Variants in SLC1A3 observed in about 807,000 individuals in gnomAD.
SLC1A3 encodes the protein solute carrier family 1 member 3, also known as excitatory amino acid transporter 1.
In SLC1A3, 21 loss-of-function variants were observed where a neutral mutation model predicts 48.1. The ratio of observed to expected loss-of-function variants is 0.44; its 90% CI spans 0.31 to 0.63. The LOEUF is 0.63. Ranked by LOEUF, SLC1A3 falls within the 20% of genes least tolerant of loss-of-function variation. SLC1A3 has a pLI of 0.08. For synonymous variants in SLC1A3, 239 were observed against 251.4 expected (o/e 0.95, Z 0.47); for missense variants, 546 against 689.0 (o/e 0.79, Z 2.32).
chr5:36,651,141 TA>T (rs58660599), intron 3 of SLC1A3, among the ~76,000 whole-genome samples: 10,130 of 114,226 alleles, frequency 0.089, 714 homozygotes, highest in African/African-American at 0.23. Context: ...AAGTTTTTTT[TA>T]AAAAAAAAAA....
At chr5:36,599,882 C>T (rs1373166116) in intron 1 of SLC1A3, among the ~76,000 whole-genome samples, 3 of 151,788 alleles carry the variant, frequency 2.0e-5, no homozygotes, top group Non-Finnish European at 2.9e-5. Flanking sequence ...AGTGCAGTGG[C>T]GCTATCTAGG....
At chr5:36,611,135 C>T (rs1739174061) in intron 2 of SLC1A3, among the ~76,000 whole-genome samples, 1 of 151,962 alleles carries the variant, frequency 6.6e-6, no homozygotes, top group Non-Finnish European at 1.5e-5. Context: ...TACACCAACT[C>T]TTAATTTATT....
intron 1 of SLC1A3, among the ~76,000 whole-genome samples, chr5:36,597,909 T>G (rs1738763604): frequency 6.6e-6 from 1 of 152,218 alleles, no homozygotes. Flanking sequence ...AGGGATTTTA[T>G]GTTTTCATCT....
rs1052721978 is a variant in SLC1A3 at position 36,629,367 on chromosome 5, A to G, written c.182-83A>G. 1.5e-5 allele frequency: 18 copies of G among 1,195,820 alleles called. 1 individual carries two copies. Among genetic ancestry groups the G allele is most frequent in the South Asian group, 1.2e-4 (9 of 76,670 alleles). The allele number at this position is 1,195,820 out of a possible 1,614,324, so 74.1% of individuals were successfully genotyped here. On this transcript the variant is annotated intron_variant, in intron 2 of 9. Transcript: ENST00000265113. ...AAATAAATACAACCACCAGCCAAATACTTACTCATTTTGCTAGGGCTGTTC... is the reference window on the plus strand; with the variant it reads ...AAATAAATACAACCACCAGCCAAATGCTTACTCATTTTGCTAGGGCTGTTC...
rs568957509 is a variant in SLC1A3, at chr5:36,673,566, G to A, written c.525-483G>A. On this transcript the variant is annotated intron_variant, in intron 4 of 9. Coordinates refer to ENST00000265113, the MANE Select transcript of SLC1A3 (RefSeq NM_004172.5). ...GTTGCAGAAGCTTTAGCAATTCAGT[G>A]CCAAAACCCCATTCCCCAGAACGCC... is the stretch of plus-strand genomic sequence containing the variant. Among the ~76,000 whole-genome samples the A allele has an allele frequency of 2.6e-4, 39 of 152,300 alleles. No homozygotes were observed. The East Asian group carries it at 7.3e-3, about 29-fold the overall frequency.
chr5:36,680,953 G>T lies in SLC1A3; in HGVS notation c.1289+364G>T, dbSNP rs1312320816. Reference sequence around the variant, plus strand: ...AAAAGAATGCCTTTAAAAGACAAGAGGATGACCAGGGTTGGGAAGGGGATC... The same window carrying T: ...AAAAGAATGCCTTTAAAAGACAAGATGATGACCAGGGTTGGGAAGGGGATC... On this transcript the variant is annotated intron_variant, in intron 8 of 9. Transcript: ENST00000265113. Among the ~76,000 whole-genome samples, 10 of 152,098 alleles carry T rather than the reference G, an allele frequency of 6.6e-5. No individual in the cohort carries two copies. In the East Asian group the frequency reaches 1.9e-3, roughly 29 times the overall value.
rs529603056 is a variant in SLC1A3, at chr5:36,633,507, T to C, written c.319+3920T>C. ...ACATTCATTCATTCTTTAACAGCTG[T>C]TTATTGCGCTTCTACTATGTCAGAC... On this transcript the variant is annotated intron_variant, in intron 3 of 9. Transcript: ENST00000265113. 6.6e-5 allele frequency among the ~76,000 whole-genome samples: 10 copies of C among 152,300 alleles called. No individual in the cohort carries two copies. The East Asian group carries it at 1.7e-3, about 26-fold the overall frequency.
At chr5:36,606,443 C>T (rs1738942223), upstream of SLC1A3, 1 of 152,266 alleles carries the variant, frequency 6.6e-6, no homozygotes, top group Admixed American at 6.5e-5. Context: ...AGGAGCAAAA[C>T]AAAGCCAGCA....
chr5:36,614,481 T>A (rs972715135), intron 2 of SLC1A3, among the ~76,000 whole-genome samples: 9 of 152,102 alleles, frequency 5.9e-5, no homozygotes, highest in African/African-American at 2.2e-4. Flanking sequence ...AATGAAAGCC[T>A]CAGAGTAAGT....
At chr5:36,600,243 C>T (rs1490069044) in intron 1 of SLC1A3, among the ~76,000 whole-genome samples, 2 of 152,058 alleles carry the variant, frequency 1.3e-5, no homozygotes, top group African/African-American at 4.8e-5. Flanking sequence ...CCTCCCGACT[C>T]TTCAGGTTTA....
intron 2 of SLC1A3, 134 bp downstream of exon 2, chr5:36,608,738 A>G (rs1035232848): frequency 2.6e-5 from 38 of 1,481,190 alleles, no homozygotes; most frequent in Non-Finnish European, 3.3e-5. Flanking sequence ...GAACTTGATG[A>G]TTTTTCTCCA....
chr5:36,611,218 G>A, intron 2 of SLC1A3, among the ~76,000 whole-genome samples: 1 of 149,462 alleles, frequency 6.7e-6, no homozygotes, highest in East Asian at 2.0e-4. Context: ...CCCAAGATGA[G>A]AGATGAGAAG....
At chr5:36,625,563 C>T (rs1464893398) in intron 2 of SLC1A3, among the ~76,000 whole-genome samples, 4 of 152,170 alleles carry the variant, frequency 2.6e-5, no homozygotes, top group African/African-American at 9.7e-5. Context: ...AATAAATTTT[C>T]CCCTTTCCCA....
In SLC1A3 at chr5:36,686,083, C is replaced by G; in HGVS notation, c.1443C>G (p.Thr481=). 2 of 1,614,146 alleles carry G rather than the reference C, an allele frequency of 1.2e-6. No individual in the cohort carries two copies. The highest frequency in any genetic ancestry group is 1.7e-6 in the Non-Finnish European group (2 of 1,179,996). The change falls in exon 10 of 10, where the codon ACC becomes ACG. Residue 481 remains threonine, a synonymous_variant. Transcript: ENST00000265113. ...VDWFLDRLRT[T]TNVLGDSLGA... ...CCTGCAGGGATCGCCTCCGGACCAC[C>G]ACCAACGTACTGGGAGACTCCCTGG... is the stretch of plus-strand genomic sequence containing the variant.
chr5:36,658,224 G>A (rs1741361059), intron 3 of SLC1A3, among the ~76,000 whole-genome samples: 1 of 152,186 alleles, frequency 6.6e-6, no homozygotes, highest in South Asian at 2.1e-4. Context: ...AGGAAATGAG[G>A]ACGAGAGCAG....
chr5:36,648,576 G>A (rs1333049937), intron 3 of SLC1A3, among the ~76,000 whole-genome samples: 1 of 152,146 alleles, frequency 6.6e-6, no homozygotes, highest in Non-Finnish European at 1.5e-5. Context: ...TAATCACTGT[G>A]TTCTTGTAGG....
chr5:36,673,085 T>A (rs1742061687), intron 4 of SLC1A3, among the ~76,000 whole-genome samples: 1 of 152,074 alleles, frequency 6.6e-6, no homozygotes, highest in Non-Finnish European at 1.5e-5. Context: ...TATCCTGGAA[T>A]CTCCTGAATG....
At chr5:36,614,349 G>T (rs1338283557) in intron 2 of SLC1A3, among the ~76,000 whole-genome samples, 1 of 152,154 alleles carries the variant, frequency 6.6e-6, no homozygotes, top group Non-Finnish European at 1.5e-5. Context: ...GGGGAGGCTG[G>T]GGGGCAGAAG....
intron 3 of SLC1A3, among the ~76,000 whole-genome samples, chr5:36,641,237 G>A (rs993583133): frequency 4.6e-5 from 7 of 152,120 alleles, no homozygotes; most frequent in African/African-American, 2.4e-5. Flanking sequence ...GGCACACATA[G>A]CTTTGTTTGT....
Sources: allele counts gnomAD v4.1 joint callset (sites outside exome capture counted in the v4.1 genomes callset), GRCh38; gene constraint gnomAD v4.1.1; transcripts MANE v1.5; gene names NCBI Gene and HGNC (gene_info 2026-07-23, HGNC 2026-07-21).